The following CHIT1 variants were observed in gnomAD, a reference collection of about 807,000 sequenced individuals.
CHIT1 encodes the protein chitinase 1, also known as chitotriosidase-1.
In CHIT1, 47 loss-of-function variants were observed where a neutral mutation model predicts 52.0. That is an observed-to-expected ratio of 0.90 (90% CI 0.71 to 1.15). CHIT1 has a LOEUF of 1.15. CHIT1 is among the 50% of genes most tolerant of loss of function. The pLI, the probability that CHIT1 is intolerant of heterozygous loss-of-function variation, is 0.00. For missense variants in CHIT1, 569 were observed against 583.0 expected (o/e 0.98, Z 0.25); for synonymous variants, 242 against 228.2 (o/e 1.06, Z -0.54).
At chr1:203,228,804 C>T (rs1657029526) in intron 1 of CHIT1, among the ~76,000 whole-genome samples, 1 of 152,242 alleles carries the variant, frequency 6.6e-6, no homozygotes, top group Non-Finnish European at 1.5e-5. Flanking sequence ...TGGGCTGAGG[C>T]TGCCCCCTCT....
At chr1:203,219,450 G>C (rs1656652170) in intron 8 of CHIT1, 121 bp from the exon 9 acceptor site, 2 of 875,424 alleles carry the variant, frequency 2.3e-6, no homozygotes, top group Non-Finnish European at 3.8e-6. Flanking sequence ...TGGAGAATCA[G>C]GAGGTTCTTT....
At chr1:203,229,566 A>G in intron 1 of CHIT1, 46 bp downstream of exon 1, 2 of 1,609,300 alleles carry the variant, frequency 1.2e-6, no homozygotes, top group Non-Finnish European at 1.7e-6. Flanking sequence ...CCACATCCCC[A>G]CCTCCCCACA....
At chr1:203,227,027 C>A (rs1656952431) in intron 2 of CHIT1, among the ~76,000 whole-genome samples, 2 of 152,240 alleles carry the variant, frequency 1.3e-5, no homozygotes, top group Middle Eastern at 3.4e-3. Flanking sequence ...GTGTCTAGAA[C>A]CTGGGACTTC....
chr1:203,216,123 T>C lies in CHIT1; in HGVS notation c.*766A>G, dbSNP rs1656515269. 4.4e-6 allele frequency: 2 copies of C among 454,132 alleles called. No homozygotes were observed. The highest frequency in any genetic ancestry group is 1.6e-5 in the South Asian group (1 of 64,478). 28.1% of individuals were successfully genotyped at this position (454,132 alleles called of 1,614,324 possible). A position where few individuals can be genotyped will look rare whatever the true frequency, so the allele number is the denominator to read the frequency against. On this transcript the variant is annotated 3_prime_UTR_variant, in exon 11 of 11. Coordinates refer to ENST00000367229, the MANE Select transcript of CHIT1 (RefSeq NM_003465.3). ...TTTAACCAGGACACCGTGTGCATGC[T>C]CTCTGGCCCATTTCAGGCCTTGGTT...
At chr1:203,218,234 T>TCAA (rs58776333) in intron 9 of CHIT1, 1 of 630,554 alleles carries the variant, frequency 1.6e-6, no homozygotes, top group African/African-American at 1.9e-5. Context: ...AAGGTCAAGG[T>TCAA]AAGTCCAGTT....
chr1:203,218,837 G>A (rs1490690832), intron 9 of CHIT1, among the ~76,000 whole-genome samples: 1 of 152,088 alleles, frequency 6.6e-6, no homozygotes, highest in Non-Finnish European at 1.5e-5. Flanking sequence ...CACCAATATT[G>A]GGCAGGAGAA....
rs552795692 is a variant in CHIT1, at chr1:203,219,473, A to G, written c.916-144T>C. On this transcript the variant is annotated intron_variant, in intron 8 of 10. Transcript: ENST00000367229. ...CAGGAGGTTCTTTGCAGTGACCTAG[A>G]ATTCTGGACTCAGCTTGAGGCACCT... 22 of 879,222 alleles carry G rather than the reference A, an allele frequency of 2.5e-5. No homozygotes were observed. The East Asian group carries it at 5.0e-4, about 20-fold the overall frequency. The allele number at this position is 879,222 out of a possible 1,614,324, so 54.5% of individuals were successfully genotyped here.
In CHIT1 at chr1:203,219,773, C is replaced by A. The variant is rs764074528; in HGVS notation, c.806G>T (p.Arg269Leu). 5 of 1,613,456 alleles carry A rather than the reference C, an allele frequency of 3.1e-6. No homozygotes were observed. In the East Asian group the frequency reaches 1.1e-4, roughly 36 times the overall value. ...KLILGMPTYG[R>L]SFTLASSSDT... ...TGATGAGGAGGCCAGTGTGAAGGAG[C>A]GTCCGTAGGTAGGCATGCCAAGGAT... The change falls in exon 8 of 11, where the codon CGC (arginine) becomes CTC (leucine). Residue 269 changes from arginine (R) to leucine (L), a missense_variant. By Grantham distance (102) the Arg-to-Leu change is moderately radical. Transcript: ENST00000367229.
Position 203,225,833 on chromosome 1 carries a change from C to T in CHIT1, c.93G>A (p.Trp31Ter), listed in dbSNP as rs1329977799. 1 of 1,614,156 alleles carries T rather than the reference C, an allele frequency of 6.2e-7. No individual in the cohort carries two copies. Among genetic ancestry groups the T allele is most frequent in the Non-Finnish European group, 8.5e-7 (1 of 1,180,032 alleles). The change falls in exon 3 of 11, where the codon TGG (tryptophan) becomes TGA (stop). Residue 31 changes from tryptophan to a stop codon, truncating the protein, a stop_gained. Transcript: ENST00000367229. LOFTEE classifies it high-confidence loss of function. ...GAGCCTCCCCCTGTCTGTACTGGGC[C>T]CAGTTGGTGAAGTAGCAGACCAGTT... ...AAKLVCYFTNWAQYRQGEARF... is the reference protein window; with the variant it reads ...AAKLVCYFTN
rs778624621 is a variant in CHIT1, at chr1:203,222,186, C to T, written c.729+16G>A. On this transcript the variant is annotated intron_variant, in intron 7 of 10. Transcript: ENST00000367229. Reference sequence around the variant, plus strand: ...TGGACAGGGGAGTCCTGCCTCAGCCCTCCTGCCACACGTACCACGTTGAGG... The same window carrying T: ...TGGACAGGGGAGTCCTGCCTCAGCCTTCCTGCCACACGTACCACGTTGAGG... 1.1e-5 allele frequency: 17 copies of T among 1,613,518 alleles called. No homozygotes were observed. The highest frequency in any genetic ancestry group is 1.3e-5 in the Non-Finnish European group (15 of 1,180,004).
chr1:203,219,046 T>C (rs1187570203), intron 9 of CHIT1, among the ~76,000 whole-genome samples, 170 bp downstream of exon 9: 1 of 152,238 alleles, frequency 6.6e-6, no homozygotes, highest in Non-Finnish European at 1.5e-5. Flanking sequence ...ATTTTGTCTT[T>C]TCTGAGTCAA....
At chr1:203,227,384 C>A (rs558770971) in intron 2 of CHIT1, among the ~76,000 whole-genome samples, 2 of 152,310 alleles carry the variant, frequency 1.3e-5, no homozygotes, top group Admixed American at 1.3e-4. Flanking sequence ...AGGAAGGAGC[C>A]AGGAAGCTCT....
intron 4 of CHIT1, 60 bp downstream of exon 4, chr1:203,224,988 G>A: frequency 2.0e-6 from 3 of 1,481,422 alleles, no homozygotes; most frequent in Non-Finnish European, 2.8e-6. Context: ...GCTCCCTCTG[G>A]CCAGTGCACC....
chr1:203,222,980 A>G (rs1656792069), intron 6 of CHIT1, among the ~76,000 whole-genome samples, 155 bp downstream of exon 6: 1 of 152,166 alleles, frequency 6.6e-6, no homozygotes, highest in African/African-American at 2.4e-5. Flanking sequence ...CTGAGTACAA[A>G]AGCAGGGAAT....
At chr1:203,221,924 A>G (rs1656750322) in intron 7 of CHIT1, among the ~76,000 whole-genome samples, 1 of 152,138 alleles carries the variant, frequency 6.6e-6, no homozygotes, top group African/African-American at 2.4e-5. Context: ...TGGAGACTCA[A>G]GCTCAAAGTG....
At chr1:203,219,596 G>A in intron 8 of CHIT1, 68 bp downstream of exon 8, 1 of 1,569,284 alleles carries the variant, frequency 6.4e-7, no homozygotes, top group Non-Finnish European at 8.8e-7. Flanking sequence ...GGTGGGAGAA[G>A]GAAACCTCTG....
Position 203,219,953 on chromosome 1 carries a change from GCT to G in CHIT1, c.730-106_730-105del. The G allele has an allele frequency of 2.2e-6, 3 of 1,367,278 alleles. No homozygotes were observed. In the East Asian group the frequency reaches 7.4e-5, roughly 34 times the overall value. 84.7% of individuals were successfully genotyped at this position (1,367,278 alleles called of 1,614,324 possible). A position where few individuals can be genotyped will look rare whatever the true frequency, so the allele number is the denominator to read the frequency against. ...GAGCTAGGAGGGCAGGGGCTCCTCA[GCT>G]GGAGCTCTACGGGCCTTTGTTAGGA... On this transcript the variant is annotated intron_variant, in intron 7 of 10. Coordinates refer to ENST00000367229, the MANE Select transcript of CHIT1 (RefSeq NM_003465.3).
In CHIT1 at chr1:203,216,155, T is replaced by G. The variant is rs1435268083; in HGVS notation, c.*734A>C. Reference sequence around the variant, plus strand: ...CCCATTTCAGGCCTTGGTTCTGGACTCAGAATTGGTTAGAATCAGTCTTCA... The same window carrying G: ...CCCATTTCAGGCCTTGGTTCTGGACGCAGAATTGGTTAGAATCAGTCTTCA... On this transcript the variant is annotated 3_prime_UTR_variant, in exon 11 of 11. Coordinates refer to ENST00000367229, the MANE Select transcript of CHIT1 (RefSeq NM_003465.3). 1 of 454,148 alleles carries G rather than the reference T, an allele frequency of 2.2e-6. No homozygotes were observed. The highest frequency in any genetic ancestry group is 2.3e-5 in the Admixed American group (1 of 42,584). The allele number at this position is 454,148 out of a possible 1,614,324, so 28.1% of individuals were successfully genotyped here.
At chr1:203,221,941 C>T (rs1448545958) in intron 7 of CHIT1, among the ~76,000 whole-genome samples, 1 of 152,188 alleles carries the variant, frequency 6.6e-6, no homozygotes, top group Non-Finnish European at 1.5e-5. Flanking sequence ...AGTGGGCTTC[C>T]CCATTGGTCA....
Sources: allele counts gnomAD v4.1 joint callset (sites outside exome capture counted in the v4.1 genomes callset), GRCh38; gene constraint gnomAD v4.1.1; transcripts MANE v1.5; gene names NCBI Gene and HGNC (gene_info 2026-07-23, HGNC 2026-07-21).